Variants in XYLT1 observed in about 807,000 individuals in gnomAD.
The protein encoded by XYLT1 is xylosyltransferase 1.
Under a neutral mutation model 91.3 loss-of-function variants are expected in XYLT1, and 36 were observed. The ratio of observed to expected loss-of-function variants is 0.39; its 90% CI spans 0.30 to 0.52. The LOEUF (loss-of-function observed/expected upper bound fraction) is 0.52. Among genes scored for constraint, XYLT1 ranks in the 20% least tolerant of loss-of-function variants. XYLT1 has a pLI of 0.68. For missense variants in XYLT1, 1,242 were observed against 1,284.5 expected (o/e 0.97, Z 0.51); for synonymous variants, 588 against 532.0 (o/e 1.11, Z -1.45).
chr16:17,439,485 T>C (rs1284850345), intron 1 of XYLT1, among the ~76,000 whole-genome samples: 2 of 152,220 alleles, frequency 1.3e-5, no homozygotes, highest in Non-Finnish European at 2.9e-5. Flanking sequence ...TATCTGCATG[T>C]ATTGTGTGCT....
At chr16:17,115,417 G>A (rs1404703279) in intron 11 of XYLT1, among the ~76,000 whole-genome samples, 1 of 150,238 alleles carries the variant, frequency 6.7e-6, no homozygotes, top group Non-Finnish European at 1.5e-5. Flanking sequence ...CCAGGAGCTC[G>A]AGGCTGCAGT....
intron 1 of XYLT1, among the ~76,000 whole-genome samples, chr16:17,408,594 C>G (rs768660766): frequency 1.3e-5 from 2 of 152,190 alleles, no homozygotes; most frequent in Non-Finnish European, 2.9e-5. Context: ...GCCGATAATC[C>G]CAGCACTTTT....
Position 17,264,984 on chromosome 16 carries a change from C to T in XYLT1, c.403-5486G>A, listed in dbSNP as rs577918851. On this transcript the variant is annotated intron_variant, in intron 2 of 11. Coordinates refer to ENST00000261381, the MANE Select transcript of XYLT1 (RefSeq NM_022166.4). ...CGGTCGGATCATGAAGTCCGGAGATCGAGACCATCCTGGCTAACACTGTGA... is the reference window on the plus strand; with the variant it reads ...CGGTCGGATCATGAAGTCCGGAGATTGAGACCATCCTGGCTAACACTGTGA... Among the ~76,000 whole-genome samples the T allele has an allele frequency of 1.2e-4, 19 of 152,206 alleles. No homozygotes were observed. In the East Asian group the frequency reaches 2.5e-3, roughly 20 times the overall value.
chr16:17,401,277 T>C (rs1467833936), intron 1 of XYLT1, among the ~76,000 whole-genome samples: 2 of 152,082 alleles, frequency 1.3e-5, no homozygotes, highest in Non-Finnish European at 2.9e-5. Context: ...CATTCTGCCT[T>C]GAGGTTGCTG....
At chr16:17,389,585 A>G (rs1312205119) in intron 1 of XYLT1, among the ~76,000 whole-genome samples, 1 of 152,200 alleles carries the variant, frequency 6.6e-6, no homozygotes, top group Non-Finnish European at 1.5e-5. Context: ...CTCACACTGG[A>G]CTTTCTGTCT....
intron 2 of XYLT1, among the ~76,000 whole-genome samples, chr16:17,331,345 A>C (rs577783618): frequency 6.6e-6 from 1 of 152,216 alleles, no homozygotes; most frequent in Non-Finnish European, 1.5e-5. Context: ...TCCTCTCGGC[A>C]TGACATCAAC....
At chr16:17,428,662 G>A (rs2036349010) in intron 1 of XYLT1, among the ~76,000 whole-genome samples, 1 of 152,162 alleles carries the variant, frequency 6.6e-6, no homozygotes, top group Non-Finnish European at 1.5e-5. Context: ...TGTAGCCGCA[G>A]CCCACTCACC....
At chr16:17,364,016 G>C (rs1224928468) in intron 1 of XYLT1, among the ~76,000 whole-genome samples, 1 of 152,144 alleles carries the variant, frequency 6.6e-6, no homozygotes, top group Non-Finnish European at 1.5e-5. Context: ...AGTCAGATTG[G>C]ATGAGGGCCC....
chr16:17,151,037 A>G (rs2031269780), intron 6 of XYLT1, among the ~76,000 whole-genome samples: 1 of 152,166 alleles, frequency 6.6e-6, no homozygotes, highest in Non-Finnish European at 1.5e-5. Context: ...GATTGGTGGA[A>G]GGGACATACC....
In XYLT1 at chr16:17,194,796, G is replaced by A. The variant is rs566222170; in HGVS notation, c.1289+3416C>T. ...CCATGCATTCATCACATGACATTGG[G>A]CCTCAGTTTGCCCCTCTGTAAAACA... On this transcript the variant is annotated intron_variant, in intron 5 of 11. Transcript: ENST00000261381. Among the ~76,000 whole-genome samples, 3 of 152,304 alleles carry A rather than the reference G, an allele frequency of 2.0e-5. No homozygotes were observed. The East Asian group carries it at 5.8e-4, about 29-fold the overall frequency.
At chr16:17,350,326 TGCTG>T (rs2035203082) in intron 2 of XYLT1, among the ~76,000 whole-genome samples, 1 of 152,218 alleles carries the variant, frequency 6.6e-6, no homozygotes, top group Admixed American at 6.5e-5. Context: ...TTGGGGAACT[TGCTG>T]GCTATTTGCG....
At chr16:17,117,514 G>T (rs1966854805) in intron 11 of XYLT1, 132 bp downstream of exon 11, 2 of 922,168 alleles carry the variant, frequency 2.2e-6, no homozygotes, top group Admixed American at 5.8e-5. Context: ...GAAAAGTATT[G>T]AGAGCAAGGA....
At chr16:17,242,058 C>T (rs962197553) in intron 3 of XYLT1, among the ~76,000 whole-genome samples, 1 of 152,176 alleles carries the variant, frequency 6.6e-6, no homozygotes, top group African/African-American at 2.4e-5. Context: ...GACTTATTCA[C>T]CATCATAAGA....
Position 17,470,558 on chromosome 16 carries a change from C to G in XYLT1, c.239G>C (p.Gly80Ala). The stretch of plus-strand genomic sequence containing the variant: ...TCCTCCTCCGCCGCCGCCTCCTCCT[C>G]CTCCTCGGGCTGCAGCCGGCTCGGC... ...LPAEPAAARGGGGGGGGGGGG... is the reference protein window; with the variant it reads ...LPAEPAAARGAGGGGGGGGGG... Residue 80 changes from glycine to alanine, a missense_variant, in exon 1 of 12, where the codon GGA (glycine) becomes GCA (alanine). Gly to Ala is a moderately conservative substitution (Grantham distance 60). Transcript: ENST00000261381. 8.2e-7 allele frequency: 1 copy of G among 1,215,672 alleles called. No homozygotes were observed. The highest frequency in any genetic ancestry group is 1.0e-6 in the Non-Finnish European group (1 of 978,124). 75.3% of individuals were successfully genotyped at this position (1,215,672 alleles called of 1,614,324 possible). A position where few individuals can be genotyped will look rare whatever the true frequency, so the allele number is the denominator to read the frequency against.
chr16:17,236,243 C>T (rs2033246334), intron 3 of XYLT1, among the ~76,000 whole-genome samples: 1 of 152,146 alleles, frequency 6.6e-6, no homozygotes, highest in South Asian at 2.1e-4. Flanking sequence ...TCAGAAAATT[C>T]AAGCATCTAG....
intron 1 of XYLT1, among the ~76,000 whole-genome samples, chr16:17,447,703 G>A (rs1165790570): frequency 6.6e-6 from 1 of 152,208 alleles, no homozygotes; most frequent in African/African-American, 2.4e-5. Flanking sequence ...AGCCTATGTC[G>A]TAAGACCCAT....
intron 3 of XYLT1, chr16:17,226,899 G>T (rs569823160): frequency 6.6e-6 from 1 of 152,320 alleles, no homozygotes; most frequent in East Asian, 1.9e-4. Flanking sequence ...TCATTGCTTT[G>T]AGCCTCAGTT....
chr16:17,122,677 GGTTTTTC>G (rs2030113273), intron 10 of XYLT1, among the ~76,000 whole-genome samples: 3 of 152,088 alleles, frequency 2.0e-5, no homozygotes, highest in Non-Finnish European at 4.4e-5. Context: ...TGTCTAGAAG[GGTTTTTC>G]CAATTTTATC....
Position 17,226,826 on chromosome 16 carries a change from G to GA in XYLT1, c.914-26173dup, listed in dbSNP as rs200428235. Among the ~76,000 whole-genome samples, 518 of 151,064 alleles carry GA rather than the reference G, an allele frequency of 3.4e-3. 3 individuals carry two copies. Among genetic ancestry groups the GA allele is most frequent in the Middle Eastern group, 6.8e-3 (2 of 294 alleles). On this transcript the variant is annotated intron_variant, in intron 3 of 11. Transcript: ENST00000261381. The stretch of plus-strand genomic sequence containing the variant: ...TTCCAGATATTGCCAAATGTCCCTG[G>GA]AAAAAAAAATACTACTTTAGATAGA...
Sources: gnomAD v4.1 joint callset for allele counts (sites outside exome capture counted in the v4.1 genomes callset) on GRCh38, gnomAD v4.1.1 for gene constraint, MANE v1.5 for transcripts, NCBI Gene and HGNC (gene_info 2026-07-23, HGNC 2026-07-21) for gene names.